The following KDM7A variants were observed in gnomAD, a reference collection of about 807,000 sequenced individuals.
KDM7A encodes lysine demethylase 7A, also known as lysine-specific demethylase 7A.
A neutral mutation model predicts 114.8 loss-of-function variants in KDM7A; 28 were observed. That is an observed-to-expected ratio of 0.24 (90% confidence interval 0.18 to 0.33). The LOEUF (loss-of-function observed/expected upper bound fraction) is 0.33. KDM7A is among the 10% of genes least tolerant of loss of function. The probability of loss-of-function intolerance (pLI) is 1.00; values close to 1 mark genes in which losing one functional copy is unlikely to be tolerated. For synonymous variants in KDM7A, 423 were observed against 397.8 expected (o/e 1.06, Z -0.75); for missense variants, 942 against 1,142.5 (o/e 0.82, Z 2.53).
intron 18 of KDM7A, 96 bp downstream of exon 18, chr7:140,093,960 G>T: frequency 1.3e-6 from 1 of 798,384 alleles, no homozygotes. Context: ...AGATCTAGCA[G>T]TTGATAACTG....
intron 1 of KDM7A, among the ~76,000 whole-genome samples, chr7:140,167,803 C>CA (rs36096042): frequency 6.6e-6 from 1 of 151,592 alleles, no homozygotes; most frequent in African/African-American, 2.4e-5. Context: ...TTTTGCATGG[C>CA]AAAAAAATTA....
intron 4 of KDM7A, 52 bp downstream of exon 4, chr7:140,129,441 A>G: frequency 2.1e-6 from 3 of 1,424,258 alleles, no homozygotes; most frequent in Non-Finnish European, 3.0e-6. Flanking sequence ...CAGGACTATC[A>G]TTTTTACTTT....
In KDM7A at chr7:140,084,760, C is replaced by T. The variant is rs1176872834; in HGVS notation, c.*6334G>A. 6.6e-6 allele frequency: 1 copy of T among 152,174 alleles called. No homozygotes were observed. Among genetic ancestry groups the T allele is most frequent in the Non-Finnish European group, 1.5e-5 (1 of 68,030 alleles). 9.4% of individuals were successfully genotyped at this position (152,174 alleles called of 1,614,324 possible). The stretch of plus-strand genomic sequence containing the variant: ...CAAAGTCAGAATTGGATATAGAATT[C>T]AGATTCTTTTTCTTTCAAGGACGCA... On this transcript the variant is annotated 3_prime_UTR_variant, in exon 20 of 20. Coordinates refer to ENST00000397560, the MANE Select transcript of KDM7A (RefSeq NM_030647.2).
In KDM7A at chr7:140,124,753, T is replaced by C. The variant is rs1437954909; in HGVS notation, c.919A>G (p.Thr307Ala). 3 of 1,610,078 alleles carry C rather than the reference T, an allele frequency of 1.9e-6. No individual in the cohort carries two copies. The South Asian group carries it at 3.3e-5, about 18-fold the overall frequency. ...GEKIFYLIKP[T>A]DENLARYESW... ...TCATAACGTGCCAAATTTTCATCTG[T>C]TGGCTTTATTAAATAAAAAATCTTC... The change falls in exon 7 of 20, where the codon ACA becomes GCA. Residue 307 changes from threonine to alanine, a missense_variant. Coordinates refer to ENST00000397560, the MANE Select transcript of KDM7A (RefSeq NM_030647.2).
intron 4 of KDM7A, among the ~76,000 whole-genome samples, chr7:140,128,812 G>A (rs1023757496): frequency 4.6e-5 from 7 of 152,126 alleles, no homozygotes; most frequent in African/African-American, 7.2e-5. Context: ...ATCTACTGCT[G>A]ACAAGAAATG....
chr7:140,116,301 T>G (rs1818529090), intron 9 of KDM7A, among the ~76,000 whole-genome samples: 1 of 151,858 alleles, frequency 6.6e-6, no homozygotes, highest in South Asian at 2.1e-4. Context: ...TACAACAGAA[T>G]ACTCTAGCAA....
intron 7 of KDM7A, among the ~76,000 whole-genome samples, chr7:140,120,818 G>A (rs1818608143): frequency 6.6e-6 from 1 of 152,124 alleles, no homozygotes; most frequent in Non-Finnish European, 1.5e-5. Context: ...TGTTGCCCAG[G>A]CTGATCTCAA....
In KDM7A at chr7:140,099,013, G is replaced by C; in HGVS notation, c.1784C>G (p.Ala595Gly). The C allele has an allele frequency of 6.2e-7, 1 of 1,611,718 alleles. No homozygotes were observed. Among genetic ancestry groups the C allele is most frequent in the Non-Finnish European group, 8.5e-7 (1 of 1,179,192 alleles). ...RIIKDERQPFADQSLYTADSE... is the reference protein window; with the variant it reads ...RIIKDERQPFGDQSLYTADSE... The stretch of plus-strand genomic sequence containing the variant: ...ATCTGCTGTATAAAGACTTTGATCT[G>C]CAAAGGGCTGCCTTTCATCTCTGTA... The change falls in exon 14 of 20, where the codon GCA (alanine) becomes GGA (glycine). Residue 595 changes from alanine to glycine, a missense_variant. Coordinates refer to ENST00000397560, the MANE Select transcript of KDM7A (RefSeq NM_030647.2).
At chr7:140,131,634 A>C (rs1818788241) in intron 3 of KDM7A, among the ~76,000 whole-genome samples, 2 of 152,160 alleles carry the variant, frequency 1.3e-5, no homozygotes, top group African/African-American at 4.8e-5. Flanking sequence ...TAGTTTCCCC[A>C]ATAAGCATCC....
intron 1 of KDM7A, among the ~76,000 whole-genome samples, chr7:140,143,229 G>C (rs1343197702): frequency 6.6e-6 from 1 of 150,392 alleles, no homozygotes; most frequent in Non-Finnish European, 1.5e-5. Context: ...TATATTCTAT[G>C]TATGCAGAAA....
intron 11 of KDM7A, among the ~76,000 whole-genome samples, chr7:140,107,784 C>T (rs1019357169): frequency 6.6e-6 from 1 of 152,074 alleles, no homozygotes; most frequent in Admixed American, 6.5e-5. Context: ...ATCTTTGTGG[C>T]GTTCTCTGTA....
chr7:140,096,798 A>AT (rs1818121116), intron 16 of KDM7A, 35 bp from the exon 17 acceptor site: 2 of 1,596,760 alleles, frequency 1.3e-6, no homozygotes, highest in Admixed American at 1.7e-5. Context: ...ACAAGAGTCT[A>AT]TTTTTTCTGA....
At chr7:140,101,385 C>T (rs1349701641) in intron 12 of KDM7A, among the ~76,000 whole-genome samples, 2 of 152,164 alleles carry the variant, frequency 1.3e-5, no homozygotes, top group Non-Finnish European at 2.9e-5. Flanking sequence ...TGCATTTGCT[C>T]TTCCCTCTGC....
intron 7 of KDM7A, among the ~76,000 whole-genome samples, chr7:140,123,209 A>G (rs1818642991): frequency 6.6e-6 from 1 of 152,230 alleles, no homozygotes; most frequent in African/African-American, 2.4e-5. Flanking sequence ...GTGTGGAGAA[A>G]CTGGAACCCA....
At chr7:140,172,721 G>C (rs1041285159) in intron 1 of KDM7A, among the ~76,000 whole-genome samples, 6 of 151,872 alleles carry the variant, frequency 4.0e-5, no homozygotes, top group Non-Finnish European at 5.9e-5. Context: ...TTGTACTTCT[G>C]TGAAATTAAA....
intron 1 of KDM7A, among the ~76,000 whole-genome samples, chr7:140,139,443 T>A (rs1794231049): frequency 6.6e-6 from 1 of 152,160 alleles, no homozygotes; most frequent in South Asian, 2.1e-4. Context: ...ATACTGCAAT[T>A]ATAAGCCATA....
intron 9 of KDM7A, among the ~76,000 whole-genome samples, chr7:140,117,924 C>A (rs1417453197): frequency 6.6e-6 from 1 of 152,214 alleles, no homozygotes; most frequent in Admixed American, 6.5e-5. Context: ...ACCAGAAGCA[C>A]TGCCAGGACA....
chr7:140,111,050 A>G, intron 11 of KDM7A, 45 bp downstream of exon 11: 1 of 1,077,470 alleles, frequency 9.3e-7, no homozygotes, highest in Non-Finnish European at 1.4e-6. Context: ...TTGCTTCTCA[A>G]AGCAGATAAT....
chr7:140,086,308 C>A lies in KDM7A; in HGVS notation c.*4786G>T, dbSNP rs1320806135. The stretch of plus-strand genomic sequence containing the variant: ...AATGTTATACTTGTTAAGACAAAGT[C>A]TTAAGACACTAGAAGGGGCACCAGG... On this transcript the variant is annotated 3_prime_UTR_variant, in exon 20 of 20. Transcript: ENST00000397560. 1 of 152,032 alleles carries A rather than the reference C, an allele frequency of 6.6e-6. No homozygotes were observed. The highest frequency in any genetic ancestry group is 2.4e-5 in the African/African-American group (1 of 41,368). 9.4% of individuals were successfully genotyped at this position (152,032 alleles called of 1,614,324 possible). A position where few individuals can be genotyped will look rare whatever the true frequency, so the allele number is the denominator to read the frequency against.
Sources: allele counts gnomAD v4.1 joint callset (sites outside exome capture counted in the v4.1 genomes callset), GRCh38; gene constraint gnomAD v4.1.1; transcripts MANE v1.5; gene names NCBI Gene and HGNC (gene_info 2026-07-23, HGNC 2026-07-21).